Variants in TDRP observed in about 807,000 individuals in gnomAD.
TDRP encodes the protein testis development related protein.
TDRP carries 12 observed loss-of-function variants against 10.5 expected under a neutral mutation model. That is an observed-to-expected ratio of 1.15 (90% CI 0.73 to 1.86). TDRP has a LOEUF of 1.86. Among genes scored for constraint, TDRP ranks in the 40% most tolerant of loss-of-function variants. TDRP has a pLI of 0.00. For synonymous variants in TDRP, 139 were observed against 95.4 expected (o/e 1.46, Z -2.67); for missense variants, 353 against 229.2 (o/e 1.54, Z -3.49).
At chr8:509,667 C>G (rs1040733409) in intron 1 of TDRP, among the ~76,000 whole-genome samples, 6 of 152,082 alleles carry the variant, frequency 3.9e-5, no homozygotes, top group Non-Finnish European at 8.8e-5. Flanking sequence ...AGGGGCTGCC[C>G]CAAAGGTCTC....
At chr8:526,905 G>A (rs1263174086) in intron 1 of TDRP, among the ~76,000 whole-genome samples, 3 of 152,146 alleles carry the variant, frequency 2.0e-5, no homozygotes, top group Non-Finnish European at 4.4e-5. Context: ...TAGAAAGGAA[G>A]AAATCAAATA....
At chr8:510,461 G>A (rs1288725107) in intron 1 of TDRP, among the ~76,000 whole-genome samples, 1 of 152,128 alleles carries the variant, frequency 6.6e-6, no homozygotes, top group Non-Finnish European at 1.5e-5. Context: ...CAAAGACAGG[G>A]AGATAATCTT....
At chr8:500,939 T>C (rs112436406) in intron 1 of TDRP, among the ~76,000 whole-genome samples, 1 of 152,164 alleles carries the variant, frequency 6.6e-6, no homozygotes, top group Non-Finnish European at 1.5e-5. Context: ...GGGCGCGGTG[T>C]CTCACACCTG....
chr8:512,365 G>A (rs1030427840), intron 1 of TDRP, among the ~76,000 whole-genome samples: 10 of 152,164 alleles, frequency 6.6e-5, no homozygotes, highest in East Asian at 3.9e-4. Context: ...CCCGGGAGGC[G>A]GAGGCTGCAG....
At chr8:510,992 C>A (rs756657641) in intron 1 of TDRP, among the ~76,000 whole-genome samples, 1 of 152,000 alleles carries the variant, frequency 6.6e-6, no homozygotes, top group Non-Finnish European at 1.5e-5. Flanking sequence ...GCTAAGAAAT[C>A]GGCTACAGAT....
At chr8:527,055 G>A (rs1486226274) in intron 1 of TDRP, among the ~76,000 whole-genome samples, 4 of 152,076 alleles carry the variant, frequency 2.6e-5, no homozygotes, top group Non-Finnish European at 1.5e-5. Context: ...CAGAGTTAGA[G>A]AGACTCCACC....
intron 1 of TDRP, among the ~76,000 whole-genome samples, chr8:513,413 T>C (rs1198476679): frequency 1.3e-5 from 2 of 152,242 alleles, no homozygotes; most frequent in East Asian, 3.9e-4. Flanking sequence ...TATATAAGCA[T>C]CTCAATATAT....
At chr8:532,788 G>A (rs1205530390) in intron 1 of TDRP, among the ~76,000 whole-genome samples, 1 of 152,184 alleles carries the variant, frequency 6.6e-6, no homozygotes, top group African/African-American at 2.4e-5. Flanking sequence ...CTAAGGGTCA[G>A]CAAATAACGG....
At chr8:504,915 T>A (rs574105358) in intron 1 of TDRP, among the ~76,000 whole-genome samples, 1 of 152,134 alleles carries the variant, frequency 6.6e-6, no homozygotes, top group Non-Finnish European at 1.5e-5. Context: ...CTTCTACCTA[T>A]GTCCTTTTTA....
At chr8:542,543 C>T (rs982032900) in intron 1 of TDRP, among the ~76,000 whole-genome samples, 1 of 151,938 alleles carries the variant, frequency 6.6e-6, no homozygotes, top group Non-Finnish European at 1.5e-5. Context: ...AAAGTTTTTT[C>T]CCCCCAAAAC....
Position 492,531 on chromosome 8 carries a change from G to C in TDRP, c.426C>G (p.Gly142=). ...TGGCCAGGCTGGTGTACTTGGTCGA[G>C]CCCTTGGCGTCATCCTCCCAGCCTG... is the stretch of plus-strand genomic sequence containing the variant. ...SWSGWEDDAK[G]STKYTSLASS... Residue 142 remains glycine, a synonymous_variant, in exon 3 of 3, where the codon GGC becomes GGG. Coordinates refer to ENST00000324079, the MANE Select transcript of TDRP (RefSeq NM_001384899.1). 4 of 1,611,138 alleles carry C rather than the reference G, an allele frequency of 2.5e-6. No individual in the cohort carries two copies. Among genetic ancestry groups the C allele is most frequent in the Non-Finnish European group, 3.4e-6 (4 of 1,178,436 alleles).
intron 1 of TDRP, among the ~76,000 whole-genome samples, chr8:496,559 G>C (rs751825953): frequency 1.3e-5 from 2 of 152,216 alleles, no homozygotes; most frequent in African/African-American, 2.4e-5. Flanking sequence ...CTGCCAAGTT[G>C]TTATGTTCCC....
rs527941567 is a variant in TDRP, at chr8:525,749, G to A, written c.108+18901C>T. Among the ~76,000 whole-genome samples, 24 of 152,218 alleles carry A rather than the reference G, an allele frequency of 1.6e-4. No individual in the cohort carries two copies. In the South Asian group the frequency reaches 5.0e-3, roughly 32 times the overall value. ...CACAAGAGAAAATCACCGACGGGAA[G>A]GAAGGAAAGAAGAAAAGACCGCAGA... On this transcript the variant is annotated intron_variant, in intron 1 of 2. Coordinates refer to ENST00000324079, the MANE Select transcript of TDRP (RefSeq NM_001384899.1).
At chr8:511,017 T>A (rs1801603015) in intron 1 of TDRP, among the ~76,000 whole-genome samples, 1 of 152,016 alleles carries the variant, frequency 6.6e-6, no homozygotes, top group Non-Finnish European at 1.5e-5. Flanking sequence ...AGATAATAAA[T>A]GAAAATGTTG....
At chr8:504,143 G>A (rs190556043) in intron 1 of TDRP, among the ~76,000 whole-genome samples, 158 of 152,296 alleles carry the variant, frequency 1.0e-3, no homozygotes, top group Non-Finnish European at 1.5e-3. Context: ...GGTTCTGACC[G>A]CAGCCCTGTC....
At chr8:537,176 C>CCTGGCTCCCTTCCTGGG (rs1482478507) in intron 1 of TDRP, among the ~76,000 whole-genome samples, 1 of 152,228 alleles carries the variant, frequency 6.6e-6, no homozygotes, top group Non-Finnish European at 1.5e-5. Context: ...CCCACGTGGG[C>CCTGGCTCCCTTCCTGGG]CTGGCTCCCT....
chr8:527,443 C>G (rs886494248), intron 1 of TDRP, among the ~76,000 whole-genome samples: 5 of 151,712 alleles, frequency 3.3e-5, no homozygotes, highest in Admixed American at 6.6e-5. Flanking sequence ...CACAAAAGAC[C>G]CAGAATAGCC....
intron 1 of TDRP, among the ~76,000 whole-genome samples, chr8:500,453 G>C (rs1801259383): frequency 6.6e-6 from 1 of 152,026 alleles, no homozygotes; most frequent in Admixed American, 6.6e-5. Context: ...AACCCTGAAG[G>C]CCTTGTTTAG....
intron 2 of TDRP, 127 bp downstream of exon 2, chr8:494,367 T>C (rs1382697952): frequency 3.7e-6 from 3 of 802,052 alleles, no homozygotes; most frequent in Non-Finnish European, 6.0e-6. Flanking sequence ...GAGGGAAACA[T>C]GGACTCGCCG....
Sources: allele counts gnomAD v4.1 joint callset (sites outside exome capture counted in the v4.1 genomes callset), GRCh38; gene constraint gnomAD v4.1.1; transcripts MANE v1.5; gene names NCBI Gene and HGNC (gene_info 2026-07-23, HGNC 2026-07-21).